The following RPS6KA2 variants were observed in gnomAD, a reference collection of about 807,000 sequenced individuals.
RPS6KA2 encodes ribosomal protein S6 kinase alpha-2.
Under a neutral mutation model 91.8 loss-of-function variants are expected in RPS6KA2, and 42 were observed. The observed-to-expected ratio is 0.46, with a 90% CI of 0.36 to 0.59. The LOEUF (loss-of-function observed/expected upper bound fraction) is 0.59, where lower values mean the gene tolerates loss of function less well. Ranked by LOEUF, RPS6KA2 falls within the 20% of genes least tolerant of loss-of-function variation. The pLI is 0.00. For synonymous variants in RPS6KA2, 414 were observed against 393.6 expected, an observed-to-expected ratio of 1.05 and a Z score of -0.61; for missense variants, 798 against 978.5, an observed-to-expected ratio of 0.82 and a Z score of 2.46.
At chr6:166,577,401 G>A (rs1315443234) in intron 1 of RPS6KA2, among the ~76,000 whole-genome samples, 1 of 152,242 alleles carries the variant, frequency 6.6e-6, no homozygotes, top group Non-Finnish European at 1.5e-5. Flanking sequence ...AAGCAGCTGA[G>A]AAGGAGGCTG....
At chr6:166,826,525 A>C (rs1780052017) in intron 2 of RPS6KA2, among the ~76,000 whole-genome samples, 1 of 152,202 alleles carries the variant, frequency 6.6e-6, no homozygotes, top group South Asian at 2.1e-4. Flanking sequence ...CTTGCAGACA[A>C]CTCTGAGATT....
chr6:166,845,441 A>G (rs189257360), intron 2 of RPS6KA2, among the ~76,000 whole-genome samples: 340 of 152,320 alleles, frequency 2.2e-3, no homozygotes, highest in Non-Finnish European at 3.7e-3. Context: ...AACATTCTCC[A>G]AGATAGACCA....
intron 2 of RPS6KA2, among the ~76,000 whole-genome samples, chr6:166,823,792 C>T (rs1474354294): frequency 1.3e-5 from 2 of 152,070 alleles, no homozygotes; most frequent in South Asian, 2.1e-4. Flanking sequence ...GAGAAGTGAA[C>T]CTTATTTGAT....
intron 1 of RPS6KA2, among the ~76,000 whole-genome samples, chr6:166,568,480 G>A (rs1282423265): frequency 6.6e-6 from 1 of 151,948 alleles, no homozygotes; most frequent in Non-Finnish European, 1.5e-5. Context: ...AGCCGGTCGT[G>A]GTGGCAGGCA....
At chr6:166,679,177 G>A (rs1231501792) in intron 2 of RPS6KA2, among the ~76,000 whole-genome samples, 1 of 152,204 alleles carries the variant, frequency 6.6e-6, no homozygotes. Flanking sequence ...ATTGTCACCG[G>A]GCGTGGTGGC....
chr6:166,682,813 A>C (rs76711557), intron 2 of RPS6KA2, among the ~76,000 whole-genome samples: 3,048 of 152,248 alleles, frequency 0.02, 44 homozygotes, highest in Non-Finnish European at 0.028. Context: ...CACCTACCTC[A>C]GTAAAGAGAC....
chr6:166,670,505 C>G (rs1400661046), intron 2 of RPS6KA2, among the ~76,000 whole-genome samples: 1 of 152,110 alleles, frequency 6.6e-6, no homozygotes, highest in South Asian at 2.1e-4. Context: ...GTTAGTACAC[C>G]TCGTAAAAAA....
intron 10 of RPS6KA2, among the ~76,000 whole-genome samples, chr6:166,473,195 A>G (rs1780836594): frequency 6.7e-6 from 1 of 149,162 alleles, no homozygotes; most frequent in Non-Finnish European, 1.5e-5. Flanking sequence ...CTGTGAATGG[A>G]TTTTTTTTTT....
chr6:166,514,828 G>A (rs990256974), intron 3 of RPS6KA2, among the ~76,000 whole-genome samples: 2 of 152,148 alleles, frequency 1.3e-5, no homozygotes, highest in Non-Finnish European at 2.9e-5. Context: ...TAAAAAGAAG[G>A]GAGCTGCATC....
At chr6:166,768,412 T>C (rs1030628339) in intron 2 of RPS6KA2, among the ~76,000 whole-genome samples, 1 of 152,194 alleles carries the variant, frequency 6.6e-6, no homozygotes, top group African/African-American at 2.4e-5. Flanking sequence ...TGAAAGACGC[T>C]GACCGCTGTG....
chr6:166,710,062 G>C (rs778366598), intron 2 of RPS6KA2, among the ~76,000 whole-genome samples: 24 of 152,104 alleles, frequency 1.6e-4, no homozygotes, highest in Non-Finnish European at 3.2e-4. Context: ...TGCAACTTAG[G>C]TTTAATCCTG....
Position 166,423,350 on chromosome 6 carries a change from A to G in RPS6KA2, c.1649T>C (p.Ile550Thr), listed in dbSNP as rs938788617. 1.2e-6 allele frequency: 2 copies of G among 1,614,140 alleles called. No homozygotes were observed. The highest frequency in any genetic ancestry group is 1.7e-6 in the Non-Finnish European group (2 of 1,180,020). ...GGCAAAGCCGAAGTCGCAGACTCGG[A>G]TGGATTCTGGGCTCCCCGACTCATC... ...YRDESGSPES[I>T]RVCDFGFAKQ... is the part of the protein sequence containing the mutation. Residue 550 changes from isoleucine to threonine, a missense_variant, in exon 17 of 21, where the codon ATC (isoleucine) becomes ACC (threonine). Coordinates refer to ENST00000265678, the MANE Select transcript of RPS6KA2 (RefSeq NM_021135.6). This position sits in a 1 kb window ranked among gnomAD's most constrained non-coding sequence, Gnocchi z 4.8.
intron 2 of RPS6KA2, among the ~76,000 whole-genome samples, chr6:166,697,057 ATGTGTGTG>A (rs3071132): frequency 6.7e-6 from 1 of 149,554 alleles, no homozygotes; most frequent in Non-Finnish European, 1.5e-5. Context: ...GTGTATATAT[ATGTGTGTG>A]TGTGTGTGTG....
Position 166,506,990 on chromosome 6 carries a change from A to C in RPS6KA2, c.459+1213T>G, listed in dbSNP as rs75356407. ...GCCACGGGGCTCTCAGGGTGCAGTG[A>C]AGTTGCATCCTGGAGGGTTCCTACC... On this transcript the variant is annotated intron_variant, in intron 5 of 20. Transcript: ENST00000265678. 5.5e-4 allele frequency among the ~76,000 whole-genome samples: 84 copies of C among 152,200 alleles called. 3 individuals carry two copies. In the East Asian group the frequency reaches 0.015, roughly 27 times the overall value.
intron 10 of RPS6KA2, among the ~76,000 whole-genome samples, chr6:166,471,351 G>A (rs1052123163): frequency 1.3e-5 from 2 of 152,182 alleles, no homozygotes; most frequent in African/African-American, 4.8e-5. Flanking sequence ...CGCACTCTGG[G>A]CAGTGATGTG....
chr6:166,681,699 CCCG>C lies in RPS6KA2; in HGVS notation c.124-142918_124-142916del, dbSNP rs1207582976. On this transcript the variant is annotated intron_variant, in intron 2 of 21. Transcript: ENST00000503859. ...GGATCTCCCCCTGCCCGCCCCCCCC[CCCG>C]CCCCCGCCCAAGATCTTGCTCTTGG... Among the ~76,000 whole-genome samples the C allele has an allele frequency of 6.7e-4, 42 of 62,684 alleles. 1 individual carries two copies. Among genetic ancestry groups the C allele is most frequent in the African/African-American group, 3.3e-3 (37 of 11,210 alleles). 41.1% of individuals were successfully genotyped at this position (62,684 alleles called of 152,430 possible).
At chr6:166,659,317 TAACA>T (rs1044615872) in intron 2 of RPS6KA2, among the ~76,000 whole-genome samples, 5 of 152,158 alleles carry the variant, frequency 3.3e-5, no homozygotes, top group Admixed American at 6.5e-5. Flanking sequence ...CTAATTGCAC[TAACA>T]GTCTCCCCCA....
At chr6:166,597,292 C>T (rs535599658) in intron 1 of RPS6KA2, among the ~76,000 whole-genome samples, 60 of 152,242 alleles carry the variant, frequency 3.9e-4, no homozygotes, top group Non-Finnish European at 3.1e-4. Flanking sequence ...CCCCCGAGGA[C>T]GAATGGGACT....
intron 2 of RPS6KA2, among the ~76,000 whole-genome samples, chr6:166,781,070 A>T (rs1778757215): frequency 6.6e-6 from 1 of 152,240 alleles, no homozygotes; most frequent in Non-Finnish European, 1.5e-5. Flanking sequence ...AAGAAACAGT[A>T]TTGCTGGGTT....
Sources: gnomAD v4.1 joint callset for allele counts (sites outside exome capture counted in the v4.1 genomes callset) on GRCh38, gnomAD v4.1.1 for gene constraint, Gnocchi (gnomAD v3.1) non-coding constraint, MANE v1.5 for transcripts, NCBI Gene and HGNC (gene_info 2026-07-23, HGNC 2026-07-21) for gene names.